The following TCOF1 variants were observed in gnomAD, a reference collection of about 807,000 sequenced individuals.
TCOF1 encodes the protein treacle protein.
TCOF1 carries 33 observed loss-of-function variants against 149.0 expected under a neutral mutation model. That is an observed-to-expected ratio of 0.22 (90% CI 0.17 to 0.30). TCOF1 has a LOEUF of 0.30. Ranked by LOEUF, TCOF1 falls within the 10% of genes least tolerant of loss-of-function variation. The probability of loss-of-function intolerance (pLI) is 1.00; values close to 1 mark genes in which losing one functional copy is unlikely to be tolerated. For synonymous variants in TCOF1, 789 were observed against 738.8 expected (o/e 1.07, Z -1.10); for missense variants, 1,728 against 1,840.7 (o/e 0.94, Z 1.12).
Position 150,396,732 on chromosome 5 carries a change from A to G in TCOF1, c.4235A>G (p.Gln1412Arg). ...EKKGKGSLGS[Q>R]GAKDEPEEEL... The stretch of plus-strand genomic sequence containing the variant: ...AAAGGGAAGGGGTCTCTTGGCTCCC[A>G]AGGGGCCAAGGACGAGCCAGAAGAG... The change falls in exon 24 of 27, where the codon CAA becomes CGA. Residue 1412 changes from glutamine (Q) to arginine (R), a missense_variant. Coordinates refer to ENST00000643257, the MANE Select transcript of TCOF1 (RefSeq NM_001371623.1). 1 of 1,612,508 alleles carries G rather than the reference A, an allele frequency of 6.2e-7. No individual in the cohort carries two copies. The highest frequency in any genetic ancestry group is 8.5e-7 in the Non-Finnish European group (1 of 1,179,558).
rs775924554 is a variant in TCOF1, at chr5:150,374,199, A to G, written c.896A>G (p.Gln299Arg). The G allele has an allele frequency of 3.1e-6, 5 of 1,612,532 alleles. No homozygotes were observed. In the African/African-American group the frequency reaches 6.7e-5, roughly 22 times the overall value. The change falls in exon 8 of 27, where the codon CAG becomes CGG. Residue 299 changes from glutamine (Q) to arginine (R), a missense_variant. Physicochemically the swap from Gln to Arg is conservative, Grantham distance 43 (BLOSUM62 1). This residue lies in a region of TCOF1 where 1,696 missense variants were observed against 1,765.4 expected (regional missense o/e 0.96). Transcript: ENST00000643257. ...GTAAAGGCCTCTGAAAAAATTCTCC[A>G]GGTCAGAGCTGCCTCAGCCCCTGCC... The part of the protein sequence containing the change: ...SQVKASEKIL[Q>R]VRAASAPAKG...
chr5:150,359,224 G>A (rs1389270943), intron 1 of TCOF1, among the ~76,000 whole-genome samples: 1 of 151,748 alleles, frequency 6.6e-6, no homozygotes, highest in Non-Finnish European at 1.5e-5. Flanking sequence ...GCATGCACCT[G>A]TAGTCCCAGT....
At chr5:150,389,514 T>C (rs1340937188) in intron 18 of TCOF1, among the ~76,000 whole-genome samples, 1 of 152,174 alleles carries the variant, frequency 6.6e-6, no homozygotes, top group Non-Finnish European at 1.5e-5. Flanking sequence ...AGAACATGCA[T>C]GTAACCAGGC....
In TCOF1 at chr5:150,396,794, G is replaced by A; in HGVS notation, c.4297G>A (p.Asp1433Asn). The A allele has an allele frequency of 1.2e-6, 2 of 1,610,706 alleles. No homozygotes were observed. The highest frequency in any genetic ancestry group is 1.3e-5 in the African/African-American group (1 of 74,988). ...QKGMGTVEGG[D>N]QSNPKSKKEK... ...GGGGATGGGGACGGTTGAAGGTGGA[G>A]ATCAAAGCAACCCAAAGAGCAAGAA... The change falls in exon 24 of 27, where the codon GAT becomes AAT. Residue 1433 changes from aspartate to asparagine, a missense_variant. By Grantham distance (23) the Asp-to-Asn change is conservative. This residue lies in a region of TCOF1 where 1,696 missense variants were observed against 1,765.4 expected (regional missense o/e 0.96). Coordinates refer to ENST00000643257, the MANE Select transcript of TCOF1 (RefSeq NM_001371623.1).
intron 23 of TCOF1, chr5:150,393,780 G>T (rs1293875698): frequency 3.5e-6 from 2 of 572,192 alleles, no homozygotes; most frequent in African/African-American, 3.8e-5. Flanking sequence ...TTGGGAGGCC[G>T]AGGTGGGCAG....
chr5:150,364,363 G>A, intron 3 of TCOF1, 111 bp downstream of exon 3: 2 of 1,474,562 alleles, frequency 1.4e-6, no homozygotes, highest in South Asian at 2.5e-5. Context: ...ACCCTGGGGA[G>A]GAGATTGGGA....
intron 17 of TCOF1, chr5:150,383,183 C>T (rs1765591810): frequency 6.5e-7 from 1 of 1,532,802 alleles, no homozygotes; most frequent in East Asian, 2.4e-5. Context: ...GTGCGCCATG[C>T]CTTCTCTCTG....
At chr5:150,398,803 G>A (rs1561544628) in intron 25 of TCOF1, among the ~76,000 whole-genome samples, 1 of 152,232 alleles carries the variant, frequency 6.6e-6, no homozygotes, top group Non-Finnish European at 1.5e-5. Context: ...CTCACGGCGC[G>A]GGGCCTTAGC....
chr5:150,383,535 C>G (rs2150911041), intron 17 of TCOF1, among the ~76,000 whole-genome samples: 1 of 152,360 alleles, frequency 6.6e-6, no homozygotes, highest in South Asian at 2.1e-4. Flanking sequence ...TGCCAGCACA[C>G]AAGGTACTTG....
chr5:150,369,671 C>A, intron 6 of TCOF1, 69 bp downstream of exon 6: 2 of 1,545,020 alleles, frequency 1.3e-6, no homozygotes, highest in Admixed American at 1.7e-5. Context: ...CTGTCTGGGG[C>A]TTCAGACACC....
At chr5:150,375,627 C>CT in intron 11 of TCOF1, 73 bp downstream of exon 11, 1 of 1,611,876 alleles carries the variant, frequency 6.2e-7, no homozygotes, top group East Asian at 2.2e-5. Context: ...GCCTCCCAAC[C>CT]TCACACTGGG....
chr5:150,391,579 C>T lies in TCOF1; in HGVS notation c.3219C>T (p.Thr1073=), dbSNP rs757462799. The T allele has an allele frequency of 1.2e-6, 2 of 1,614,164 alleles. No individual in the cohort carries two copies. The highest frequency in any genetic ancestry group is 2.2e-5 in the East Asian group (1 of 44,878). Residue 1073 remains threonine, a synonymous_variant, in exon 20 of 27, where the codon ACC becomes ACT. Transcript: ENST00000643257. ...SKKNPASLPL[T]QAALKVLAQK... The stretch of plus-strand genomic sequence containing the variant: ...AGAACCCAGCTTCCCTCCCACTGAC[C>T]CAGGCTGCCCTGAAGGTCCTCGCCC...
rs918988534 is a variant in TCOF1, at chr5:150,399,916, A to C, written c.*129A>C. On this transcript the variant is annotated 3_prime_UTR_variant, in exon 27 of 27. Coordinates refer to ENST00000643257, the MANE Select transcript of TCOF1 (RefSeq NM_001371623.1). ...TTACCTTCCCTCGCTCCACAGAAGA[A>C]GACAGCCAGCTTCAGGGGTCCCTGT... The C allele has an allele frequency of 6.6e-6, 1 of 152,634 alleles. No individual in the cohort carries two copies. Among genetic ancestry groups the C allele is most frequent in the African/African-American group, 2.4e-5 (1 of 41,558 alleles). 9.5% of individuals were successfully genotyped at this position (152,634 alleles called of 1,614,324 possible). A position where few individuals can be genotyped will look rare whatever the true frequency, so the allele number is the denominator to read the frequency against.
Position 150,374,766 on chromosome 5 carries a change from G to A in TCOF1, c.1233G>A (p.Gln411=), listed in dbSNP as rs1368664106. ...AQAGKREEDS[Q]SSSEESDSEE... is the part of the protein sequence containing the mutation. ...CGGGGAAGCGGGAGGAGGACTCGCA[G>A]AGCAGCAGCGAGGAATCGGACAGTG... Residue 411 remains glutamine (Q), a synonymous_variant, in exon 9 of 27, where the codon CAG becomes CAA. Transcript: ENST00000643257. 2 of 1,609,578 alleles carry A rather than the reference G, an allele frequency of 1.2e-6. No individual in the cohort carries two copies. Among genetic ancestry groups the A allele is most frequent in the East Asian group, 2.2e-5 (1 of 44,566 alleles).
In TCOF1 at chr5:150,375,431, G is replaced by A; in HGVS notation, c.1581G>A (p.Gly527=). Residue 527 remains glycine (G), a synonymous_variant, in exon 11 of 27, where the codon GGG becomes GGA. Transcript: ENST00000643257. The part of the protein sequence containing the change: ...LGKGAGPVPP[G]KVGPATPSAQ... ...AAGGCGCCGGCCCAGTGCCACCCGGGAAGGTGGGGCCTGCAACCCCCTCAG... is the reference window on the plus strand; with the variant it reads ...AAGGCGCCGGCCCAGTGCCACCCGGAAAGGTGGGGCCTGCAACCCCCTCAG... 1 of 1,613,670 alleles carries A rather than the reference G, an allele frequency of 6.2e-7. No homozygotes were observed. The highest frequency in any genetic ancestry group is 1.1e-5 in the South Asian group (1 of 91,064).
chr5:150,376,906 G>T lies in TCOF1; in HGVS notation c.2340+286G>T, dbSNP rs146418517. On this transcript the variant is annotated intron_variant, in intron 14 of 26. Transcript: ENST00000643257. Reference sequence around the variant, plus strand: ...CCAGGTGCTGCCCTTGTCTGGGGTTGCTGAGGCGCTGTTCCTCAGGGAAGT... The same window carrying T: ...CCAGGTGCTGCCCTTGTCTGGGGTTTCTGAGGCGCTGTTCCTCAGGGAAGT... 2.6e-3 allele frequency among the ~76,000 whole-genome samples: 400 copies of T among 152,352 alleles called. 2 individuals carry two copies. The highest frequency in any genetic ancestry group is 0.01 in the Middle Eastern group (3 of 294).
rs1764668704 is a variant in TCOF1 at position 150,379,815 on chromosome 5, T to C, written c.2859+83T>C. ...GGCTGGGCGTGGTGGCTCACACCTG[T>C]AATCCTAGCACTTTGGGAGGCCGAG... On this transcript the variant is annotated intron_variant, in intron 17 of 26. Coordinates refer to ENST00000643257, the MANE Select transcript of TCOF1 (RefSeq NM_001371623.1). The C allele has an allele frequency of 2.0e-6, 3 of 1,521,442 alleles. No homozygotes were observed. In the South Asian group the frequency reaches 3.6e-5, roughly 18 times the overall value. 94.2% of individuals were successfully genotyped at this position (1,521,442 alleles called of 1,614,324 possible).
chr5:150,397,840 C>T (rs1768893096), intron 24 of TCOF1, among the ~76,000 whole-genome samples: 2 of 152,134 alleles, frequency 1.3e-5, no homozygotes, highest in African/African-American at 2.4e-5. Context: ...CCAGGTGGTC[C>T]ATGGATGGGA....
At chr5:150,384,568 A>AG (rs1482654007) in intron 17 of TCOF1, 3 of 985,306 alleles carry the variant, frequency 3.0e-6, no homozygotes, top group Non-Finnish European at 3.6e-6. Context: ...ACTGGGAGGG[A>AG]GGGGACCGCT....
Sources: allele counts gnomAD v4.1 joint callset (sites outside exome capture counted in the v4.1 genomes callset), GRCh38; gene constraint gnomAD v4.1.1; regional missense constraint gnomAD v4.1.1; transcripts MANE v1.5; gene names NCBI Gene and HGNC (gene_info 2026-07-23, HGNC 2026-07-21).